The following PCDH15 variants were observed in gnomAD, a reference collection of about 807,000 sequenced individuals.
PCDH15 encodes protocadherin-15.
In PCDH15, 129 loss-of-function variants were observed where a neutral mutation model predicts 178.5. The ratio of observed to expected loss-of-function variants is 0.72; its 90% CI spans 0.63 to 0.84. The LOEUF (loss-of-function observed/expected upper bound fraction) is 0.84, where lower values mean the gene tolerates loss of function less well. PCDH15 is among the 40% of genes least tolerant of loss of function. PCDH15 has a pLI of 0.00. For missense variants in PCDH15, 2,230 were observed against 2,099.9 expected, an observed-to-expected ratio of 1.06 and a Z score of -1.21; for synonymous variants, 800 against 732.0, an observed-to-expected ratio of 1.09 and a Z score of -1.50.
At position 54,064,165 on chromosome 10, in the gene PCDH15, A is replaced by G. The variant is rs145349463; in HGVS notation, c.2220+2592T>C. Reference sequence around the variant, plus strand: ...TCCTATCCATAGGCAGGTTATCCCCATAAGTGTCCAGCTCTCAGCAGAGAG... The same window carrying G: ...TCCTATCCATAGGCAGGTTATCCCCGTAAGTGTCCAGCTCTCAGCAGAGAG... On this transcript the variant is annotated intron_variant, in intron 18 of 37. Coordinates refer to ENST00000644397, the MANE Select transcript of PCDH15 (RefSeq NM_001384140.1). 1.0e-3 allele frequency among the ~76,000 whole-genome samples: 159 copies of G among 152,282 alleles called. 2 individuals are homozygous for G. The East Asian group carries it at 0.028, about 27-fold the overall frequency.
At chr10:55,311,240 A>G (rs1292491884) in intron 1 of PCDH15, among the ~76,000 whole-genome samples, 1 of 152,178 alleles carries the variant, frequency 6.6e-6, no homozygotes, top group East Asian at 1.9e-4. Flanking sequence ...TTTGCTTTTA[A>G]AATTTTCAGA....
chr10:53,823,577 GA>G lies in PCDH15; in HGVS notation c.4368-3348del, dbSNP rs567972606. On this transcript the variant is annotated intron_variant, in intron 32 of 37. Coordinates refer to ENST00000644397, the MANE Select transcript of PCDH15 (RefSeq NM_001384140.1). ...TGTGAGAAGAATGAGAAATGTAAATGAAAAAAAAAGTACTCATCTCTAGATT... is the reference window on the plus strand; with the variant it reads ...TGTGAGAAGAATGAGAAATGTAAATGAAAAAAAAGTACTCATCTCTAGATT... 282 of 639,836 alleles carry G rather than the reference GA, an allele frequency of 4.4e-4. 2 individuals carry two copies. Among genetic ancestry groups the G allele is most frequent in the South Asian group, 2.0e-3 (119 of 59,050 alleles). 39.6% of individuals were successfully genotyped at this position (639,836 alleles called of 1,614,324 possible).
chr10:54,253,380 A>G (rs1388857293), intron 8 of PCDH15, among the ~76,000 whole-genome samples: 1 of 152,050 alleles, frequency 6.6e-6, no homozygotes, highest in African/African-American at 2.4e-5. Context: ...TAATAGCACT[A>G]TCTGTCACTG....
rs1020640504 is a variant in PCDH15, at chr10:54,329,637, A to G, written c.664T>C (p.Tyr222His). Residue 222 changes from tyrosine to histidine, a missense_variant, in exon 7 of 38, where the codon TAT becomes CAT. Physicochemically the swap from Tyr to His is moderately conservative, Grantham distance 83. Transcript: ENST00000644397. ...ACAAAGTAGCGAGTCTTATCTTCAT[A>G]GTTGAGCCTCTTCCTTAACACTATA... ...GNIVLRKRLNYEDKTRYFVII... is the reference protein window; with the variant it reads ...GNIVLRKRLNHEDKTRYFVII... 4.4e-6 allele frequency: 7 copies of G among 1,608,830 alleles called. No homozygotes were observed. Among genetic ancestry groups the G allele is most frequent in the Non-Finnish European group, 6.0e-6 (7 of 1,175,560 alleles).
At chr10:54,219,626 G>A (rs192608722) in intron 9 of PCDH15, among the ~76,000 whole-genome samples, 3 of 145,662 alleles carry the variant, frequency 2.1e-5, no homozygotes, top group African/African-American at 7.6e-5. Context: ...AGAGACTTAG[G>A]AGAATTATCA....
chr10:55,022,694 A>C lies in PCDH15; in HGVS notation c.-79-125194T>G, dbSNP rs1291983002. Among the ~76,000 whole-genome samples, 3 of 149,122 alleles carry C rather than the reference A, an allele frequency of 2.0e-5. No individual in the cohort carries two copies. In the South Asian group the frequency reaches 6.3e-4, roughly 31 times the overall value. On this transcript the variant is annotated intron_variant, in intron 2 of 5. Transcript: ENST00000458638. ...TTTATTTTATTTGATAAACTCTAAA[A>C]TATGAATTTTCTTTTTCTTTTTTTT...
intron 2 of PCDH15, among the ~76,000 whole-genome samples, chr10:55,107,380 T>C (rs1197291491): frequency 6.6e-6 from 1 of 151,784 alleles, no homozygotes. Context: ...TATTAGGTCA[T>C]ACATGAAAAT....
In PCDH15 at chr10:54,192,340, A is replaced by C. The variant is rs1215241889; in HGVS notation, c.1305+3343T>G. Among the ~76,000 whole-genome samples the C allele has an allele frequency of 2.6e-5, 4 of 152,136 alleles. No homozygotes were observed. In the East Asian group the frequency reaches 7.7e-4, roughly 29 times the overall value. ...AGATAGACTTGAGTAAGAAATCAAG[A>C]GACCAAGAACATCAGGAAGTAATTC... On this transcript the variant is annotated intron_variant, in intron 11 of 37. Coordinates refer to ENST00000644397, the MANE Select transcript of PCDH15 (RefSeq NM_001384140.1).
intron 3 of PCDH15, among the ~76,000 whole-genome samples, chr10:54,820,985 A>C (rs567055675): frequency 6.6e-6 from 1 of 152,206 alleles, no homozygotes; most frequent in South Asian, 2.1e-4. Context: ...TGAAACATAT[A>C]ATACAAAACA....
At chr10:54,180,202 T>C (rs759822335) in intron 13 of PCDH15, among the ~76,000 whole-genome samples, 1 of 152,216 alleles carries the variant, frequency 6.6e-6, no homozygotes, top group African/African-American at 2.4e-5. Context: ...TCATGACCCA[T>C]GTGCATGAGA....
intron 11 of PCDH15, among the ~76,000 whole-genome samples, chr10:54,190,368 T>A (rs1003214828): frequency 2.6e-5 from 4 of 152,206 alleles, no homozygotes; most frequent in Non-Finnish European, 5.9e-5. Flanking sequence ...CCTATAATGA[T>A]GATTGTCACT....
intron 20 of PCDH15, among the ~76,000 whole-genome samples, chr10:54,015,126 C>A (rs1045935007): frequency 3.9e-5 from 6 of 152,082 alleles, no homozygotes; most frequent in Non-Finnish European, 8.8e-5. Context: ...AACATCCAAG[C>A]TGAGGGCCAA....
At chr10:55,518,361 G>C (rs1008264328) in intron 2 of PCDH15, among the ~76,000 whole-genome samples, 9 of 152,020 alleles carry the variant, frequency 5.9e-5, no homozygotes, top group African/African-American at 1.7e-4. Flanking sequence ...ATATCTAACA[G>C]TCTGGATCAT....
chr10:55,422,507 G>A (rs1019292455), intron 2 of PCDH15, among the ~76,000 whole-genome samples: 3 of 151,814 alleles, frequency 2.0e-5, no homozygotes, highest in African/African-American at 7.2e-5. Context: ...TCTCCTCTGG[G>A]ATATAAATTG....
intron 13 of PCDH15, among the ~76,000 whole-genome samples, chr10:54,161,687 C>T (rs1470637437): frequency 1.3e-5 from 2 of 151,248 alleles, no homozygotes; most frequent in Non-Finnish European, 2.9e-5. Context: ...TCCTAGAAAC[C>T]AAGGAACTGA....
intron 25 of PCDH15, among the ~76,000 whole-genome samples, chr10:53,923,521 A>T (rs2084192222): frequency 6.6e-6 from 1 of 152,242 alleles, no homozygotes; most frequent in Non-Finnish European, 1.5e-5. Flanking sequence ...TGCCTTATAA[A>T]ATGTAAACAT....
intron 28 of PCDH15, among the ~76,000 whole-genome samples, chr10:53,846,803 T>G (rs2078006633): frequency 6.6e-6 from 1 of 152,044 alleles, no homozygotes; most frequent in Admixed American, 6.6e-5. Context: ...TTTAGCTTTT[T>G]ATTTATTTTT....
chr10:55,434,458 G>A (rs72805839), intron 2 of PCDH15, among the ~76,000 whole-genome samples: 56,978 of 151,896 alleles, frequency 0.38, 11,561 homozygotes, highest in African/African-American at 0.54. Flanking sequence ...TTATTGGTAT[G>A]GTTTTTTATT....
chr10:54,111,277 A>T (rs1429609532), intron 15 of PCDH15, among the ~76,000 whole-genome samples: 1 of 152,218 alleles, frequency 6.6e-6, no homozygotes, highest in East Asian at 1.9e-4. Flanking sequence ...GGTAATAGTG[A>T]TTACTGCTAT....
Sources: gnomAD v4.1 joint callset for allele counts (sites outside exome capture counted in the v4.1 genomes callset) on GRCh38, gnomAD v4.1.1 for gene constraint, MANE v1.5 for transcripts, NCBI Gene and HGNC (gene_info 2026-07-23, HGNC 2026-07-21) for gene names.